Variants in LAMA3 observed in about 807,000 individuals in gnomAD.
LAMA3 encodes the protein laminin subunit alpha-3.
In LAMA3, 281 loss-of-function variants were observed where a neutral mutation model predicts 402.0. That is an observed-to-expected ratio of 0.70 (90% CI 0.63 to 0.77). The LOEUF (loss-of-function observed/expected upper bound fraction) is 0.77, where lower values mean the gene tolerates loss of function less well. Among genes scored for constraint, LAMA3 ranks in the 30% least tolerant of loss-of-function variants. LAMA3 has a pLI of 0.00. For synonymous variants in LAMA3, 1,431 were observed against 1,558.4 expected, an observed-to-expected ratio of 0.92 and a Z score of 1.93; for missense variants, 3,840 against 4,215.5, an observed-to-expected ratio of 0.91 and a Z score of 2.47.
rs551374377 is a variant in LAMA3 at position 23,933,842 on chromosome 18, C to A, written c.8769C>A (p.Ser2923=). The A allele has an allele frequency of 1.2e-6, 2 of 1,613,932 alleles. No individual in the cohort carries two copies. Among genetic ancestry groups the A allele is most frequent in the African/African-American group, 2.7e-5 (2 of 75,028 alleles). Reference sequence around the variant, plus strand: ...GTAACTCTCTCAAGAGAGATGTGTCCCTGGGAGGCTGCAGTTTAAACAAAC... The same window carrying A: ...GTAACTCTCTCAAGAGAGATGTGTCACTGGGAGGCTGCAGTTTAAACAAAC... ...LTSNSLKRDV[S]LGGCSLNKPP... is the part of the protein sequence containing the mutation. The change falls in exon 67 of 75, where the codon TCC becomes TCA. Residue 2923 remains serine (S), a synonymous_variant. Transcript: ENST00000313654.
intron 68 of LAMA3, among the ~76,000 whole-genome samples, chr18:23,940,456 T>C (rs1267706210): frequency 6.6e-6 from 1 of 152,230 alleles, no homozygotes; most frequent in Admixed American, 6.5e-5. Context: ...CACGACTTCA[T>C]GGCTGCCACA....
intron 2 of LAMA3, among the ~76,000 whole-genome samples, chr18:23,737,004 A>G (rs2146038270): frequency 6.6e-6 from 1 of 152,264 alleles, no homozygotes; most frequent in Middle Eastern, 3.4e-3. Flanking sequence ...CCTTGCTGGC[A>G]TGGAAAATGC....
rs564965577 is a variant in LAMA3, at chr18:23,829,007, T to C, written c.2823+1540T>C. ...AAAATTTTTAAGATTTGAAAAAAGA[T>C]AACATCTCCAGTGAGGTCTGGGATA... On this transcript the variant is annotated intron_variant, in intron 23 of 74. Coordinates refer to ENST00000313654, the MANE Select transcript of LAMA3 (RefSeq NM_198129.4). Among the ~76,000 whole-genome samples, 4 of 152,332 alleles carry C rather than the reference T, an allele frequency of 2.6e-5. No individual in the cohort carries two copies. In the South Asian group the frequency reaches 8.3e-4, roughly 32 times the overall value.
intron 2 of LAMA3, among the ~76,000 whole-genome samples, chr18:23,742,679 TAGA>T (rs1339889548): frequency 6.6e-6 from 1 of 150,580 alleles, no homozygotes; most frequent in Non-Finnish European, 1.5e-5. Context: ...TGTGTGTGTG[TAGA>T]GAACAAAAAA....
At chr18:23,714,875 T>C (rs1047766338) in intron 2 of LAMA3, among the ~76,000 whole-genome samples, 2 of 152,182 alleles carry the variant, frequency 1.3e-5, no homozygotes, top group Non-Finnish European at 2.9e-5. Flanking sequence ...CTTCTCTTAC[T>C]GTGAATTGAC....
intron 13 of LAMA3, among the ~76,000 whole-genome samples, chr18:23,810,816 CTCCT>C (rs1331484123): frequency 6.6e-6 from 1 of 152,178 alleles, no homozygotes; most frequent in African/African-American, 2.4e-5. Context: ...GCATAGGTGA[CTCCT>C]TTGAGTTAAA....
chr18:23,867,850 T>C lies in LAMA3; in HGVS notation c.4700T>C (p.Ile1567Thr), dbSNP rs772811365. ...DVQLTGQHMS[I>T]IYEETNTPRP... ...TTTAAACAGGGTCAGCACATGTCCA[T>C]CATCTATGAGGAGACAAACACCCCA... The change falls in exon 37 of 75, where the codon ATC becomes ACC. Residue 1567 changes from isoleucine (I) to threonine (T), a missense_variant. Around this residue, in one of 3 missense-constraint regions of LAMA3, gnomAD observed 2,109 missense variants for 2,376.0 expected, o/e 0.89. Transcript: ENST00000313654. 4.3e-6 allele frequency: 7 copies of C among 1,613,938 alleles called. No individual in the cohort carries two copies. In the East Asian group the frequency reaches 1.6e-4, roughly 36 times the overall value.
intron 44 of LAMA3, among the ~76,000 whole-genome samples, chr18:23,896,730 CA>C (rs959159234): frequency 6.6e-6 from 1 of 152,140 alleles, no homozygotes; most frequent in African/African-American, 2.4e-5. Context: ...AGGGGCAGGA[CA>C]AATCTACAGA....
intron 2 of LAMA3, among the ~76,000 whole-genome samples, chr18:23,745,388 C>T (rs1161339535): frequency 1.3e-5 from 2 of 152,094 alleles, no homozygotes; most frequent in Non-Finnish European, 2.9e-5. Context: ...AAACCAATGC[C>T]CTGAATTAAC....
At chr18:23,890,563 T>TTATA (rs2080624857) in intron 42 of LAMA3, among the ~76,000 whole-genome samples, 1 of 152,148 alleles carries the variant, frequency 6.6e-6, no homozygotes, top group Middle Eastern at 3.2e-3. Context: ...TGGGGTGGAT[T>TTATA]TTATACACCA....
In LAMA3 at chr18:23,950,011, T is replaced by A; in HGVS notation, c.9512-18T>A. 6.2e-7 allele frequency: 1 copy of A among 1,614,170 alleles called. No homozygotes were observed. Among genetic ancestry groups the A allele is most frequent in the Non-Finnish European group, 8.5e-7 (1 of 1,180,026 alleles). ...TCATGGTGATGCTTTAACTTTTGCT[T>A]TGTTTCTCTTTTGAAAGCTCACTCT... On this transcript the variant is annotated intron_variant, in intron 71 of 74. Transcript: ENST00000313654.
rs2063274766 is a variant in LAMA3, at chr18:23,820,970, CTT to C, written c.2304+975_2304+976del. Among the ~76,000 whole-genome samples, 3 of 152,166 alleles carry C rather than the reference CTT, an allele frequency of 2.0e-5. No homozygotes were observed. The South Asian group carries it at 6.2e-4, about 32-fold the overall frequency. ...ACCTAGGATCTTAAGACACTTCACTCTTTGCCCCCACTCCCCAAATACAGCTA... is the reference window on the plus strand; with the variant it reads ...ACCTAGGATCTTAAGACACTTCACTCTGCCCCCACTCCCCAAATACAGCTA... On this transcript the variant is annotated intron_variant, in intron 19 of 74. Coordinates refer to ENST00000313654, the MANE Select transcript of LAMA3 (RefSeq NM_198129.4).
intron 1 of LAMA3, 103 bp downstream of exon 1, chr18:23,690,080 C>T: frequency 1.1e-6 from 1 of 918,972 alleles, no homozygotes; most frequent in Non-Finnish European, 1.5e-6. Flanking sequence ...GCGCTAGTGG[C>T]TCCGGGCGAC....
chr18:23,894,287 T>G lies in LAMA3; in HGVS notation c.5411-11T>G. ...ATAACTATGTCTTCTTTGGTTATTT[T>G]CTGATTTTAGACTGCATAAACCAAG... On this transcript the variant is annotated splice_polypyrimidine_tract_variant and intron_variant, in intron 42 of 74. Transcript: ENST00000313654. The G allele has an allele frequency of 6.2e-7, 1 of 1,606,194 alleles. No homozygotes were observed. Among genetic ancestry groups the G allele is most frequent in the Non-Finnish European group, 8.5e-7 (1 of 1,172,742 alleles).
At chr18:23,762,731 G>A (rs375744311) in intron 7 of LAMA3, among the ~76,000 whole-genome samples, 1 of 151,750 alleles carries the variant, frequency 6.6e-6, no homozygotes, top group Admixed American at 6.6e-5. Flanking sequence ...GGGGGCGGTG[G>A]CAGGGAGAAT....
At chr18:23,699,051 AG>A (rs1387902500) in intron 1 of LAMA3, among the ~76,000 whole-genome samples, 2 of 150,670 alleles carry the variant, frequency 1.3e-5, no homozygotes, top group Non-Finnish European at 3.0e-5. Flanking sequence ...AGAGAGAGAG[AG>A]AGAAAGAAAA....
intron 29 of LAMA3, among the ~76,000 whole-genome samples, chr18:23,844,229 T>G (rs2144611441): frequency 6.6e-6 from 1 of 152,318 alleles, no homozygotes; most frequent in South Asian, 2.1e-4. Context: ...TGAAAATTTC[T>G]ACAGTGTTTG....
chr18:23,776,471 G>A (rs1017242638), intron 10 of LAMA3, among the ~76,000 whole-genome samples: 1 of 152,194 alleles, frequency 6.6e-6, no homozygotes, highest in Non-Finnish European at 1.5e-5. Context: ...CCAGCTATGC[G>A]AACTGTGATG....
intron 74 of LAMA3, 79 bp from the exon 75 acceptor site, chr18:23,954,423 AT>A (rs2083040379): frequency 2.3e-5 from 28 of 1,207,404 alleles, no homozygotes; most frequent in African/African-American, 3.1e-5. Flanking sequence ...AAAAAAAAAA[AT>A]ACTATCTTTT....
Sources: gnomAD v4.1 joint callset for allele counts (sites outside exome capture counted in the v4.1 genomes callset) on GRCh38, gnomAD v4.1.1 for gene constraint, gnomAD v4.1.1 regional missense constraint, MANE v1.5 for transcripts, NCBI Gene and HGNC (gene_info 2026-07-23, HGNC 2026-07-21) for gene names.